The following KCNV2 variants were observed in gnomAD, a reference collection of about 807,000 sequenced individuals.
The protein encoded by KCNV2 is potassium voltage-gated channel modifier subfamily V member 2, also known as potassium voltage-gated channel subfamily V member 2.
KCNV2 carries 65 observed loss-of-function variants against 37.0 expected under a neutral mutation model. The ratio of observed to expected loss-of-function variants is 1.76; its 90% CI spans 1.44 to 2.16. The LOEUF (loss-of-function observed/expected upper bound fraction) is 2.16, where lower values mean the gene tolerates loss of function less well. Ranked by LOEUF, KCNV2 falls within the 30% of genes most tolerant of loss-of-function variation. KCNV2 has a pLI of 0.00. For missense variants in KCNV2, 1,232 were observed against 766.7 expected, an observed-to-expected ratio of 1.61 and a Z score of -7.17; for synonymous variants, 518 against 328.6, an observed-to-expected ratio of 1.58 and a Z score of -6.23.
chr9:2,718,497 C>T lies in KCNV2; in HGVS notation c.758C>T (p.Pro253Leu), dbSNP rs760295753. 5.0e-6 allele frequency: 8 copies of T among 1,610,946 alleles called. No individual in the cohort carries two copies. The highest frequency in any genetic ancestry group is 3.3e-5 in the Admixed American group (2 of 59,766). ...CGCCTCTGGAACCTCATGGAGAAGC[C>T]ATTCTCCTCGGTGGCCGCCAAGGCC... is the stretch of plus-strand genomic sequence containing the variant. The part of the protein sequence containing the change: ...RRRLWNLMEK[P>L]FSSVAAKAIG... Residue 253 changes from proline (P) to leucine (L), a missense_variant, in exon 1 of 2, where the codon CCA (proline) becomes CTA (leucine). Physicochemically the swap from Pro to Leu is moderately conservative, Grantham distance 98 (BLOSUM62 -3). Coordinates refer to ENST00000382082, the MANE Select transcript of KCNV2 (RefSeq NM_133497.4).
intron 1 of KCNV2, 114 bp downstream of exon 1, chr9:2,719,209 C>A (rs1028221432): frequency 5.6e-5 from 66 of 1,180,694 alleles, no homozygotes; most frequent in East Asian, 1.0e-4. Flanking sequence ...TCTTCCCCCC[C>A]ACCCCCAATC....
In KCNV2 at chr9:2,729,937, T is replaced by C; in HGVS notation, c.*210T>C. The C allele has an allele frequency of 1.7e-6, 1 of 579,682 alleles. No individual in the cohort carries two copies. The highest frequency in any genetic ancestry group is 3.0e-6 in the Non-Finnish European group (1 of 328,882). 35.9% of individuals were successfully genotyped at this position (579,682 alleles called of 1,614,324 possible). ...TCTGTGTTGTGTGAAACATCTGACC[T>C]TCTCAATGACGTTGATATTGAAAAC... On this transcript the variant is annotated 3_prime_UTR_variant, in exon 2 of 2. Coordinates refer to ENST00000382082, the MANE Select transcript of KCNV2 (RefSeq NM_133497.4).
At chr9:2,726,702 C>T (rs531245352) in intron 1 of KCNV2, among the ~76,000 whole-genome samples, 1 of 152,134 alleles carries the variant, frequency 6.6e-6, no homozygotes, top group African/African-American at 2.4e-5. Flanking sequence ...CCAGGGGTCC[C>T]CAATCCCGGG....
In KCNV2 at chr9:2,729,565, C is replaced by T. The variant is rs772155477; in HGVS notation, c.1476C>T (p.Leu492=). 2 of 1,614,116 alleles carry T rather than the reference C, an allele frequency of 1.2e-6. No individual in the cohort carries two copies. Among genetic ancestry groups the T allele is most frequent in the Non-Finnish European group, 1.7e-6 (2 of 1,180,016 alleles). The change falls in exon 2 of 2, where the codon CTC becomes CTT. Residue 492 remains leucine, a synonymous_variant. Coordinates refer to ENST00000382082, the MANE Select transcript of KCNV2 (RefSeq NM_133497.4). ...IILNGMPISI[L]YNKFSDYYSK... ...TCAACGGGATGCCCATTTCCATCCTCTACAACAAGTTTTCTGATTACTACA... is the reference window on the plus strand; with the variant it reads ...TCAACGGGATGCCCATTTCCATCCTTTACAACAAGTTTTCTGATTACTACA...
rs941223013 is a variant in KCNV2 at position 2,729,613 on chromosome 9, T to C, written c.1524T>C (p.Tyr508=). The change falls in exon 2 of 2, where the codon TAT becomes TAC. Residue 508 remains tyrosine (Y), a synonymous_variant. Transcript: ENST00000382082. Reference sequence around the variant, plus strand: ...ACAGCAAGCTGAAGGCTTATGAGTATACCACCATACGCAGGGAGAGGGGAG... The same window carrying C: ...ACAGCAAGCTGAAGGCTTATGAGTACACCACCATACGCAGGGAGAGGGGAG... ...DYYSKLKAYE[Y]TTIRRERGEV... 6.2e-7 allele frequency: 1 copy of C among 1,614,062 alleles called. No individual in the cohort carries two copies. The highest frequency in any genetic ancestry group is 8.5e-7 in the Non-Finnish European group (1 of 1,179,986).
rs373688228 is a variant in KCNV2, at chr9:2,717,904, C to T, written c.165C>T (p.Ile55=). Residue 55 remains isoleucine, a synonymous_variant, in exon 1 of 2, where the codon ATC becomes ATT. Transcript: ENST00000382082. ...GWTEGNYNYY[I]EEDEDGEEED... ...CAGAGGGCAACTATAACTACTACATCGAGGAAGACGAAGACGGCGAGGAGG... is the reference window on the plus strand; with the variant it reads ...CAGAGGGCAACTATAACTACTACATTGAGGAAGACGAAGACGGCGAGGAGG... 1.9e-6 allele frequency: 3 copies of T among 1,614,168 alleles called. No homozygotes were observed. Among genetic ancestry groups the T allele is most frequent in the East Asian group, 2.2e-5 (1 of 44,872 alleles).
rs754099727 is a variant in KCNV2 at position 2,718,144 on chromosome 9, G to C, written c.405G>C (p.Gln135His). 1.2e-6 allele frequency: 2 copies of C among 1,610,760 alleles called. No individual in the cohort carries two copies. The highest frequency in any genetic ancestry group is 1.3e-5 in the African/African-American group (1 of 74,920). The change falls in exon 1 of 2, where the codon CAG (glutamine) becomes CAC (histidine). Residue 135 changes from glutamine to histidine, a missense_variant. By Grantham distance (24) the Gln-to-His change is conservative. Transcript: ENST00000382082. ...RLATSTSRSR[Q>H]LSLCDDYEEQ... ...CCACCTCCACCAGCCGCAGCCGCCA[G>C]CTAAGCCTGTGCGACGACTACGAGG...
chr9:2,719,811 C>G (rs190159083), intron 1 of KCNV2, among the ~76,000 whole-genome samples: 1 of 152,386 alleles, frequency 6.6e-6, no homozygotes, highest in East Asian at 1.9e-4. Context: ...TTCCCACACC[C>G]AAGCACAGTC....
rs1243467800 is a variant in KCNV2, at chr9:2,718,756, C to G, written c.1017C>G (p.Asp339Glu). Residue 339 changes from aspartate to glutamate, a missense_variant, in exon 1 of 2, where the codon GAC becomes GAG. Transcript: ENST00000382082. ...RFARSALNLV[D>E]LVAILPLYLQ... ...CGCGCAGCGCCCTCAACCTGGTGGA[C>G]CTGGTGGCCATCCTGCCGCTCTACC... 6.2e-7 allele frequency: 1 copy of G among 1,611,694 alleles called. No individual in the cohort carries two copies. The highest frequency in any genetic ancestry group is 1.3e-5 in the African/African-American group (1 of 74,950).
At position 2,726,215 on chromosome 9, in the gene KCNV2, A is replaced by C. The variant is rs182618390; in HGVS notation, c.1357-3231A>C. ...TGTGGAAAAAAAGTTCCCCAAAGCC[A>C]AGGAATCCTGAGTTCCTCCTGGAGC... is the stretch of plus-strand genomic sequence containing the variant. On this transcript the variant is annotated intron_variant, in intron 1 of 1. Transcript: ENST00000382082. Among the ~76,000 whole-genome samples, 58 of 152,304 alleles carry C rather than the reference A, an allele frequency of 3.8e-4. 2 individuals carry two copies. In the East Asian group the frequency reaches 0.01, roughly 27 times the overall value.
rs887922350 is a variant in KCNV2, at chr9:2,722,568, GTTAT to G, written c.1356+3482_1356+3485del. ...GAAGTTATTTATAAATAAATTAGAAGTTATTTATTTATAAATTAGAAGTTATTTA... is the reference window on the plus strand; with the variant it reads ...GAAGTTATTTATAAATAAATTAGAAGTTATTTATAAATTAGAAGTTATTTA... On this transcript the variant is annotated intron_variant, in intron 1 of 1. Transcript: ENST00000382082. Among the ~76,000 whole-genome samples the G allele has an allele frequency of 1.4e-3, 195 of 143,046 alleles. 1 individual carries two copies. Among genetic ancestry groups the G allele is most frequent in the East Asian group, 2.4e-3 (12 of 5,040 alleles). 93.8% of individuals were successfully genotyped at this position (143,046 alleles called of 152,430 possible). A position where few individuals can be genotyped will look rare whatever the true frequency, so the allele number is the denominator to read the frequency against.
chr9:2,718,909 G>C lies in KCNV2; in HGVS notation c.1170G>C (p.Leu390=), dbSNP rs1189532709. 2 of 1,609,040 alleles carry C rather than the reference G, an allele frequency of 1.2e-6. No homozygotes were observed. The highest frequency in any genetic ancestry group is 1.6e-4 in the Middle Eastern group (1 of 6,062). ...TGCGCATCTTCCGCATCCTCAAGCT[G>C]GCGCGCCACTCCACCGGACTGCGTG... ...RLMRIFRILK[L]ARHSTGLRAF... Residue 390 remains leucine, a synonymous_variant, in exon 1 of 2, where the codon CTG becomes CTC. Transcript: ENST00000382082.
chr9:2,727,723 T>C (rs181847907), intron 1 of KCNV2, among the ~76,000 whole-genome samples: 3 of 152,250 alleles, frequency 2.0e-5, no homozygotes, highest in Admixed American at 2.0e-4. Flanking sequence ...ATGATATATA[T>C]ATAATAATAT....
chr9:2,722,441 AAGTT>A (rs1819894265), intron 1 of KCNV2, among the ~76,000 whole-genome samples: 1 of 139,122 alleles, frequency 7.2e-6, no homozygotes, highest in African/African-American at 2.7e-5. Flanking sequence ...ATTTATAAAT[AAGTT>A]ATTTATAAAT....
chr9:2,722,919 G>A (rs1819905518), intron 1 of KCNV2, among the ~76,000 whole-genome samples: 2 of 152,258 alleles, frequency 1.3e-5, no homozygotes, highest in Non-Finnish European at 2.9e-5. Context: ...GAGAATGCAA[G>A]CCCCATCATG....
Position 2,718,984 on chromosome 9 carries a change from G to A in KCNV2, c.1245G>A (p.Leu415=). 1.2e-6 allele frequency: 2 copies of A among 1,611,896 alleles called. No homozygotes were observed. The highest frequency in any genetic ancestry group is 8.5e-7 in the Non-Finnish European group (1 of 1,180,040). ...RQCYQQVGCL[L]LFIAMGIFTF... is the part of the protein sequence containing the mutation. ...GCTACCAGCAGGTGGGCTGCCTGCT[G>A]CTCTTCATCGCCATGGGCATCTTCA... is the stretch of plus-strand genomic sequence containing the variant. The change falls in exon 1 of 2, where the codon CTG becomes CTA. Residue 415 remains leucine, a synonymous_variant. Transcript: ENST00000382082.
In KCNV2 at chr9:2,717,639, A is replaced by G. The variant is rs990462993; in HGVS notation, c.-101A>G. 6.7e-7 allele frequency: 1 copy of G among 1,485,398 alleles called. No individual in the cohort carries two copies. Among genetic ancestry groups the G allele is most frequent in the East Asian group, 2.3e-5 (1 of 44,128 alleles). 92.0% of individuals were successfully genotyped at this position (1,485,398 alleles called of 1,614,324 possible). A position where few individuals can be genotyped will look rare whatever the true frequency, so the allele number is the denominator to read the frequency against. On this transcript the variant is annotated 5_prime_UTR_variant, in exon 1 of 2. Transcript: ENST00000382082. ...GCTGGTCCGGGCTGGCCTCTCTAAGACAGTGCAGGCCACGTGATCCATCCT... is the reference window on the plus strand; with the variant it reads ...GCTGGTCCGGGCTGGCCTCTCTAAGGCAGTGCAGGCCACGTGATCCATCCT...
chr9:2,717,885 G>T lies in KCNV2; in HGVS notation c.146G>T (p.Gly49Val), dbSNP rs746448587. ...SQASIHGWTE[G>V]NYNYYIEEDE... ...GCCAGCATCCACGGCTGGACAGAGGGCAACTATAACTACTACATCGAGGAA... is the reference window on the plus strand; with the variant it reads ...GCCAGCATCCACGGCTGGACAGAGGTCAACTATAACTACTACATCGAGGAA... Residue 49 changes from glycine to valine, a missense_variant, in exon 1 of 2, where the codon GGC becomes GTC. By Grantham distance (109) the Gly-to-Val change is moderately radical. Transcript: ENST00000382082. 1 of 1,614,210 alleles carries T rather than the reference G, an allele frequency of 6.2e-7. No individual in the cohort carries two copies. The highest frequency in any genetic ancestry group is 2.2e-5 in the East Asian group (1 of 44,880).
At chr9:2,723,523 A>G (rs919000548) in intron 1 of KCNV2, among the ~76,000 whole-genome samples, 1 of 152,226 alleles carries the variant, frequency 6.6e-6, no homozygotes, top group Non-Finnish European at 1.5e-5. Context: ...GATGTAGGAT[A>G]GACCTGTCTT....
Sources: gnomAD v4.1 joint callset for allele counts (sites outside exome capture counted in the v4.1 genomes callset) on GRCh38, gnomAD v4.1.1 for gene constraint, MANE v1.5 for transcripts, NCBI Gene and HGNC (gene_info 2026-07-23, HGNC 2026-07-21) for gene names.